Variants in ATP2C2 observed in about 807,000 individuals in gnomAD.
ATP2C2 encodes ATPase secretory pathway Ca2+ transporting 2, also known as calcium-transporting ATPase type 2C member 2.
A neutral mutation model predicts 110.8 loss-of-function variants in ATP2C2; 171 were observed. That is an observed-to-expected ratio of 1.54 (90% CI 1.36 to 1.75). The LOEUF is 1.75. Ranked by LOEUF, ATP2C2 falls within the 40% of genes most tolerant of loss-of-function variation. ATP2C2 has a pLI of 0.00. For missense variants in ATP2C2, 1,963 were observed against 1,235.0 expected, an observed-to-expected ratio of 1.59 and a Z score of -8.84; for synonymous variants, 804 against 508.4, an observed-to-expected ratio of 1.58 and a Z score of -7.82.
chr16:84,420,358 A>C, intron 7 of ATP2C2, among the ~76,000 whole-genome samples: 1 of 149,116 alleles, frequency 6.7e-6, no homozygotes, highest in African/African-American at 2.5e-5. Context: ...CCAAACCCAC[A>C]CTCACTCCCC....
Position 84,460,089 on chromosome 16 carries a change from G to A in ATP2C2, c.2334-565G>A, listed in dbSNP as rs1462274181. On this transcript the variant is annotated intron_variant, in intron 23 of 26. Transcript: ENST00000262429. ...AGTGATAGCTGCCAAGGGAAAGAGA[G>A]TCCTCATTTGTGTCCCCAAAGCCAA... The A allele has an allele frequency of 2.5e-5, 5 of 197,910 alleles. 1 individual carries two copies. The highest frequency in any genetic ancestry group is 2.0e-4 in the South Asian group (2 of 10,048). 12.3% of individuals were successfully genotyped at this position (197,910 alleles called of 1,614,324 possible).
At chr16:84,371,474 C>T (rs1208079745) in intron 1 of ATP2C2, among the ~76,000 whole-genome samples, 1 of 152,192 alleles carries the variant, frequency 6.6e-6, no homozygotes, top group African/African-American at 2.4e-5. Context: ...CACTGTGCTC[C>T]AGCCTGGGCA....
At chr16:84,445,501 C>T (rs535969216) in intron 15 of ATP2C2, among the ~76,000 whole-genome samples, 6 of 152,294 alleles carry the variant, frequency 3.9e-5, no homozygotes, top group South Asian at 4.1e-4. Context: ...AGCCACCATG[C>T]CCGGCCTTCC....
At chr16:84,441,574 C>T (rs1328680020) in intron 14 of ATP2C2, among the ~76,000 whole-genome samples, 3 of 152,202 alleles carry the variant, frequency 2.0e-5, no homozygotes, top group East Asian at 3.9e-4. Context: ...GGACCTGCCT[C>T]CAGGGGCCAC....
chr16:84,439,181 C>T lies in ATP2C2; in HGVS notation c.1002C>T (p.Ala334=), dbSNP rs62640931. The T allele has an allele frequency of 9.9e-3, 15,944 of 1,612,176 alleles. 118 individuals are homozygous for T. The highest frequency in any genetic ancestry group is 0.013 in the Middle Eastern group (59 of 4,442). Residue 334 remains alanine (A), a synonymous_variant, in exon 12 of 27, where the codon GCC becomes GCT. Transcript: ENST00000262429. ...FTIGVSLAVA[A]IPEGLPIVVM... ...TTCGATCCAGCCTGGCTGTGGCGGC[C>T]ATTCCAGAGGGTCTGCCCATCGTCG...
chr16:84,422,395 G>A lies in ATP2C2; in HGVS notation c.630G>A (p.Thr210=), dbSNP rs200504983. 342 of 1,613,846 alleles carry A rather than the reference G, an allele frequency of 2.1e-4. No individual in the cohort carries two copies. The highest frequency in any genetic ancestry group is 6.0e-4 in the Admixed American group (36 of 59,972). Residue 210 remains threonine, a synonymous_variant, in exon 8 of 27, where the codon ACG becomes ACA. Coordinates refer to ENST00000262429, the MANE Select transcript of ATP2C2 (RefSeq NM_014861.4). ...IPADIRLTEV[T]DLLVDESSFT... ...TTTTCCCCTTGCTCTCCTAGGTCAC[G>A]GACCTCTTGGTGGATGAATCCAGTT...
chr16:84,406,512 C>A lies in ATP2C2; in HGVS notation c.327+1268C>A, dbSNP rs980994183. 1.4e-5 allele frequency: 12 copies of A among 867,840 alleles called. No individual in the cohort carries two copies. The African/African-American group carries it at 2.2e-4, about 16-fold the overall frequency. 53.8% of individuals were successfully genotyped at this position (867,840 alleles called of 1,614,324 possible). A position where few individuals can be genotyped will look rare whatever the true frequency, so the allele number is the denominator to read the frequency against. On this transcript the variant is annotated intron_variant, in intron 3 of 26. Transcript: ENST00000262429. The stretch of plus-strand genomic sequence containing the variant: ...TTACAGCTTCCTCCATTGGTCGATT[C>A]CGGAACCAATCACAGTCCCCTGGGC...
intron 16 of ATP2C2, 64 bp from the exon 17 acceptor site, chr16:84,448,469 G>T (rs979303523): frequency 6.5e-7 from 1 of 1,533,048 alleles, no homozygotes; most frequent in Non-Finnish European, 8.8e-7. Context: ...GCAGAGTGGG[G>T]TGATGGTCAG....
Position 84,459,137 on chromosome 16 carries a change from G to T in ATP2C2, c.2165G>T (p.Gly722Val). The change falls in exon 22 of 27, where the codon GGC becomes GTC. Residue 722 changes from glycine (G) to valine (V), a missense_variant. Gly to Val is a moderately radical substitution (Grantham distance 109, BLOSUM62 -3). Coordinates refer to ENST00000262429, the MANE Select transcript of ATP2C2 (RefSeq NM_014861.4). Reference sequence around the variant, plus strand: ...TCTTGCAGGAATGCAGTGGAGGAAGGCAAGGGTATTTTTTACAACATCAAA... The same window carrying T: ...TCTTGCAGGAATGCAGTGGAGGAAGTCAAGGGTATTTTTTACAACATCAAA... ...FSAIMNAVEE[G>V]KGIFYNIKNF... is the part of the protein sequence containing the mutation. The T allele has an allele frequency of 6.2e-7, 1 of 1,614,148 alleles. No individual in the cohort carries two copies. The highest frequency in any genetic ancestry group is 8.5e-7 in the Non-Finnish European group (1 of 1,180,028).
Position 84,415,562 on chromosome 16 carries a change from C to G in ATP2C2, c.595C>G (p.Arg199Gly), listed in dbSNP as rs368761870. Residue 199 changes from arginine (R) to glycine (G), a missense_variant, in exon 7 of 27, where the codon CGG (arginine) becomes GGG (glycine). Physicochemically the swap from Arg to Gly is moderately radical, Grantham distance 125 (BLOSUM62 -2). Coordinates refer to ENST00000262429, the MANE Select transcript of ATP2C2 (RefSeq NM_014861.4). ...TGTCGTATCTCTCTCGATCGGAGAC[C>G]GGATCCCTGCAGACATCCGACTCAC... ...GDVVSLSIGD[R>G]IPADIRLTEV... 1.9e-6 allele frequency: 3 copies of G among 1,613,970 alleles called. No homozygotes were observed. The highest frequency in any genetic ancestry group is 3.3e-5 in the Admixed American group (2 of 59,994).
chr16:84,376,933 T>C (rs991486260), intron 1 of ATP2C2, among the ~76,000 whole-genome samples: 2 of 152,236 alleles, frequency 1.3e-5, no homozygotes, highest in Non-Finnish European at 2.9e-5. Context: ...ATCCAATCGA[T>C]ACCTCCCCTG....
chr16:84,419,208 T>TAAAAAA (rs59552270), intron 7 of ATP2C2, among the ~76,000 whole-genome samples: 8 of 47,494 alleles, frequency 1.7e-4, no homozygotes, highest in Non-Finnish European at 2.2e-4. Context: ...ACCCCATCTT[T>TAAAAAA]AAAAAAAAAA....
At chr16:84,394,345 T>A (rs2151412278) in intron 1 of ATP2C2, among the ~76,000 whole-genome samples, 1 of 152,190 alleles carries the variant, frequency 6.6e-6, no homozygotes, top group Admixed American at 6.5e-5. Context: ...CTGTACCCAT[T>A]AGCAGTTTCT....
At chr16:84,429,373 G>C (rs548792112) in intron 11 of ATP2C2, among the ~76,000 whole-genome samples, 1 of 152,042 alleles carries the variant, frequency 6.6e-6, no homozygotes, top group African/African-American at 2.4e-5. Flanking sequence ...GGCTGGTCTT[G>C]AACTCCTGAC....
intron 1 of ATP2C2, among the ~76,000 whole-genome samples, chr16:84,371,706 C>A (rs981516393): frequency 1.3e-5 from 2 of 152,206 alleles, no homozygotes; most frequent in Non-Finnish European, 2.9e-5. Context: ...GCAGGTATAG[C>A]CCCAGCCCAC....
intron 2 of ATP2C2, among the ~76,000 whole-genome samples, chr16:84,401,487 CATTTTTATTTG>C (rs1028188493): frequency 7.2e-4 from 109 of 152,138 alleles, no homozygotes; most frequent in Middle Eastern, 3.4e-3. Flanking sequence ...ATCTTTAATT[CATTTTTATTTG>C]ATTTTTATTG....
intron 1 of ATP2C2, among the ~76,000 whole-genome samples, chr16:84,385,751 C>T (rs898415070): frequency 6.6e-6 from 1 of 152,154 alleles, no homozygotes; most frequent in African/African-American, 2.4e-5. Flanking sequence ...AGGGGGAAGC[C>T]CCATATGAAA....
chr16:84,425,883 G>A (rs996739521), intron 11 of ATP2C2, 82 bp downstream of exon 11: 3 of 1,526,434 alleles, frequency 2.0e-6, no homozygotes, highest in Admixed American at 3.3e-5. Context: ...AGAAGGTGGG[G>A]AGGCTGCAGA....
chr16:84,418,112 C>G (rs1320690949), intron 7 of ATP2C2, among the ~76,000 whole-genome samples: 2 of 152,182 alleles, frequency 1.3e-5, no homozygotes, highest in Admixed American at 6.5e-5. Flanking sequence ...TCTCCCCTAC[C>G]ATGTCTAAAA....
Sources: gnomAD v4.1 joint callset for allele counts (sites outside exome capture counted in the v4.1 genomes callset) on GRCh38, gnomAD v4.1.1 for gene constraint, MANE v1.5 for transcripts, NCBI Gene and HGNC (gene_info 2026-07-23, HGNC 2026-07-21) for gene names.